The following SENP2 variants were observed in gnomAD, a reference collection of about 807,000 sequenced individuals.
SENP2 encodes the protein sentrin-specific protease 2.
In SENP2, 16 loss-of-function variants were observed where a neutral mutation model predicts 86.3. That is an observed-to-expected ratio of 0.19 (90% confidence interval 0.13 to 0.28). The LOEUF is 0.28. SENP2 is among the 10% of genes least tolerant of loss of function. The probability of loss-of-function intolerance (pLI) is 1.00; values close to 1 mark genes in which losing one functional copy is unlikely to be tolerated. For missense variants in SENP2, 552 were observed against 703.0 expected, an observed-to-expected ratio of 0.79 and a Z score of 2.43; for synonymous variants, 222 against 238.7, an observed-to-expected ratio of 0.93 and a Z score of 0.64.
intron 10 of SENP2, among the ~76,000 whole-genome samples, chr3:185,613,890 G>C (rs34619288): frequency 0.27 from 40,652 of 150,076 alleles, 5,675 homozygotes; most frequent in Middle Eastern, 0.33. Flanking sequence ...TCTTCCTTCT[G>C]AGTTGTTGGA....
In SENP2 at chr3:185,614,574, A is replaced by C. The variant is rs747321295; in HGVS notation, c.944A>C (p.Tyr315Ser). ...TAATTTTTTGATCAGAGGAGGGGAT[A>C]CCAACTGGAGCCTGACCTATCAGAA... ...IRFENESRRGYQLEPDLSEEV... is the reference protein window; with the variant it reads ...IRFENESRRGSQLEPDLSEEV... Residue 315 changes from tyrosine (Y) to serine (S), a missense_variant, in exon 11 of 17, where the codon TAC (tyrosine) becomes TCC (serine). Physicochemically the swap from Tyr to Ser is moderately radical, Grantham distance 144. Coordinates refer to ENST00000296257, the MANE Select transcript of SENP2 (RefSeq NM_021627.3). The C allele has an allele frequency of 1.2e-6, 2 of 1,611,866 alleles. No homozygotes were observed. Among genetic ancestry groups the C allele is most frequent in the Admixed American group, 3.4e-5 (2 of 58,974 alleles).
rs569145559 is a variant in SENP2, at chr3:185,598,620, C to T, written c.291+75C>T. 25 of 1,436,520 alleles carry T rather than the reference C, an allele frequency of 1.7e-5. No individual in the cohort carries two copies. The African/African-American group carries it at 2.0e-4, about 12-fold the overall frequency. The allele number at this position is 1,436,520 out of a possible 1,614,324, so 89.0% of individuals were successfully genotyped here. On this transcript the variant is annotated intron_variant, in intron 3 of 16. Transcript: ENST00000296257. ...ATTATATTTTAGAAAATTCTCTCTT[C>T]GAGAGTTAATGTGTATAATTACTTT...
chr3:185,617,011 T>A (rs1181387874), intron 11 of SENP2, among the ~76,000 whole-genome samples: 1 of 152,206 alleles, frequency 6.6e-6, no homozygotes, highest in East Asian at 1.9e-4. Context: ...AACACCATGT[T>A]TGACTCATAG....
chr3:185,590,707 C>A (rs7615486), intron 2 of SENP2, among the ~76,000 whole-genome samples: 143,869 of 147,422 alleles, frequency 0.98, 70,206 homozygotes, highest in East Asian at 1. Flanking sequence ...CTCTACTAAA[C>A]ATTAAAAAAT....
chr3:185,606,256 T>C (rs1722504762), intron 5 of SENP2, 74 bp from the exon 6 acceptor site: 1 of 1,363,354 alleles, frequency 7.3e-7, no homozygotes, highest in Non-Finnish European at 1.0e-6. Context: ...AATCACAGGA[T>C]GGTCTGGGAG....
intron 5 of SENP2, among the ~76,000 whole-genome samples, chr3:185,602,482 T>C (rs1441271151): frequency 6.6e-6 from 1 of 151,950 alleles, no homozygotes; most frequent in Non-Finnish European, 1.5e-5. Context: ...AAATATATAG[T>C]GTCGAGGAGG....
At chr3:185,605,804 G>A (rs1722492701) in intron 5 of SENP2, among the ~76,000 whole-genome samples, 1 of 152,084 alleles carries the variant, frequency 6.6e-6, no homozygotes, top group Non-Finnish European at 1.5e-5. Context: ...GTGACTGGGT[G>A]GGAATTCCAG....
chr3:185,627,690 C>G (rs576530871), intron 16 of SENP2, among the ~76,000 whole-genome samples: 1 of 152,160 alleles, frequency 6.6e-6, no homozygotes, highest in African/African-American at 2.4e-5. Flanking sequence ...GGATTACAGG[C>G]GTGAGCCACC....
At position 185,625,654 on chromosome 3, in the gene SENP2, C is replaced by T. The variant is rs151002128; in HGVS notation, c.1612-644C>T. ...GCTTGTACCAAGTGTTTTTGCCTTA[C>T]GGCAGAACTGATCCATCAAGGCAAG... On this transcript the variant is annotated intron_variant, in intron 15 of 16. Coordinates refer to ENST00000296257, the MANE Select transcript of SENP2 (RefSeq NM_021627.3). Among the ~76,000 whole-genome samples, 72 of 152,170 alleles carry T rather than the reference C, an allele frequency of 4.7e-4. 1 individual carries two copies. Among genetic ancestry groups the T allele is most frequent in the East Asian group, 3.9e-3 (20 of 5,172 alleles).
chr3:185,621,156 C>CAAAAAAAA (rs1206042436), intron 13 of SENP2, among the ~76,000 whole-genome samples: 79 of 39,012 alleles, frequency 2.0e-3, no homozygotes, highest in South Asian at 5.1e-3. Context: ...GATCTTGTCT[C>CAAAAAAAA]AAAAAAAAAA....
chr3:185,608,280 TC>T (rs60397567), intron 6 of SENP2, among the ~76,000 whole-genome samples: 12,997 of 152,248 alleles, frequency 0.085, 862 homozygotes, highest in South Asian at 0.34. Flanking sequence ...AGATGAGAAA[TC>T]AGAAATGGGA....
chr3:185,625,145 T>G (rs902152278), intron 15 of SENP2, among the ~76,000 whole-genome samples: 6 of 151,286 alleles, frequency 4.0e-5, no homozygotes, highest in Non-Finnish European at 8.8e-5. Context: ...GGAGTCTCGC[T>G]CTGTCGCCTA....
intron 5 of SENP2, among the ~76,000 whole-genome samples, chr3:185,604,620 C>T (rs1414224534): frequency 6.6e-6 from 1 of 152,304 alleles, no homozygotes; most frequent in African/African-American, 2.4e-5. Flanking sequence ...GGCAAATAAC[C>T]TGACCTAGAT....
intron 1 of SENP2, among the ~76,000 whole-genome samples, chr3:185,587,424 CA>C (rs1721821514): frequency 6.6e-6 from 1 of 152,180 alleles, no homozygotes. Context: ...TGAGCCACTG[CA>C]CTCAGCCCCA....
At chr3:185,623,840 A>AAAAAAAAAAAAAAAAAAAAAAAAAAAC (rs1712008762) in intron 14 of SENP2, among the ~76,000 whole-genome samples, 158 bp from the exon 15 acceptor site, 1 of 151,302 alleles carries the variant, frequency 6.6e-6, no homozygotes, top group Non-Finnish European at 1.5e-5. Flanking sequence ...AAAAAAAAAA[A>AAAAAAAAAAAAAAAAAAAAAAAAAAAC]AAAAAAAAAA....
At chr3:185,610,175 T>G (rs893480501) in intron 7 of SENP2, among the ~76,000 whole-genome samples, 4 of 126,242 alleles carry the variant, frequency 3.2e-5, no homozygotes, top group Non-Finnish European at 5.0e-5. Flanking sequence ...TTTTTTTTTT[T>G]TTGAGATGGA....
chr3:185,614,166 A>G (rs1711512988), intron 10 of SENP2, among the ~76,000 whole-genome samples: 2 of 152,236 alleles, frequency 1.3e-5, no homozygotes, highest in Admixed American at 6.5e-5. Context: ...AGGATAAACT[A>G]GAACCAAGTT....
chr3:185,606,986 CTTTTTTTTT>C (rs10715399), intron 6 of SENP2: 1 of 217,262 alleles, frequency 4.6e-6, no homozygotes, highest in Non-Finnish European at 9.4e-6. Context: ...TTCTTTTTTC[CTTTTTTTTT>C]TTTGAGACAG....
chr3:185,617,438 G>T (rs375321755), intron 11 of SENP2, 42 bp from the exon 12 acceptor site: 6 of 1,525,192 alleles, frequency 3.9e-6, no homozygotes, highest in Non-Finnish European at 5.3e-6. Flanking sequence ...GATAATGAAT[G>T]GTTCTATATT....
Sources: gnomAD v4.1 joint callset for allele counts (sites outside exome capture counted in the v4.1 genomes callset) on GRCh38, gnomAD v4.1.1 for gene constraint, MANE v1.5 for transcripts, NCBI Gene and HGNC (gene_info 2026-07-23, HGNC 2026-07-21) for gene names.